The following SHANK2 variants were observed in gnomAD, a reference collection of about 807,000 sequenced individuals.
SHANK2 encodes the protein SH3 and multiple ankyrin repeat domains 2, also known as SH3 and multiple ankyrin repeat domains protein 2.
A neutral mutation model predicts 133.7 loss-of-function variants in SHANK2; 43 were observed. The observed-to-expected ratio is 0.32, with a 90% CI of 0.25 to 0.41. The LOEUF (loss-of-function observed/expected upper bound fraction) is 0.41. Ranked by LOEUF, SHANK2 falls within the 10% of genes least tolerant of loss-of-function variation. SHANK2 has a pLI of 1.00. For missense variants in SHANK2, 1,994 were observed against 2,235.8 expected (o/e 0.89, Z 2.18); for synonymous variants, 1,017 against 952.8 (o/e 1.07, Z -1.24).
chr11:71,127,396 T>C (rs1263018838), intron 3 of SHANK2, among the ~76,000 whole-genome samples: 1 of 152,248 alleles, frequency 6.6e-6, no homozygotes, highest in Non-Finnish European at 1.5e-5. Context: ...TAAGTTTTAC[T>C]GTGGGTAAAA....
intron 8 of SHANK2, among the ~76,000 whole-genome samples, chr11:71,076,878 C>G (rs1280966190): frequency 6.6e-6 from 1 of 152,222 alleles, no homozygotes; most frequent in Non-Finnish European, 1.5e-5. Context: ...ATCACAACTA[C>G]TGGGGAAAAA....
intron 1 of SHANK2, among the ~76,000 whole-genome samples, chr11:71,251,986 G>C (rs1301720413): frequency 6.6e-6 from 1 of 152,100 alleles, no homozygotes; most frequent in Non-Finnish European, 1.5e-5. Context: ...CCGGGTCCTA[G>C]GGCTGGCGGG....
chr11:71,202,480 C>A (rs892252190), intron 2 of SHANK2, among the ~76,000 whole-genome samples: 1 of 152,202 alleles, frequency 6.6e-6, no homozygotes, highest in Non-Finnish European at 1.5e-5. Flanking sequence ...CTCGGCGAGA[C>A]AAGGCAGAGC....
At chr11:71,135,239 T>C (rs1952413698) in intron 3 of SHANK2, among the ~76,000 whole-genome samples, 1 of 152,114 alleles carries the variant, frequency 6.6e-6, no homozygotes, top group Non-Finnish European at 1.5e-5. Flanking sequence ...ACTCACTCCA[T>C]AGCCAGATAC....
chr11:70,534,358 G>C (rs1358580984), intron 17 of SHANK2, among the ~76,000 whole-genome samples: 1 of 152,196 alleles, frequency 6.6e-6, no homozygotes, highest in African/African-American at 2.4e-5. Flanking sequence ...ACAGCATGAA[G>C]GTAACCGCCC....
intron 15 of SHANK2, among the ~76,000 whole-genome samples, chr11:70,679,970 G>C (rs1944991305): frequency 6.6e-6 from 1 of 152,176 alleles, no homozygotes. Flanking sequence ...GAAATGACTT[G>C]GGGTCCCACG....
chr11:71,061,623 G>C (rs1206481287), intron 9 of SHANK2, among the ~76,000 whole-genome samples: 6 of 152,164 alleles, frequency 3.9e-5, no homozygotes, highest in Non-Finnish European at 8.8e-5. Flanking sequence ...CCTTTCCCTG[G>C]AAAGTAACCC....
intron 3 of SHANK2, among the ~76,000 whole-genome samples, chr11:71,128,982 G>A (rs1358778355): frequency 1.3e-5 from 2 of 152,110 alleles, no homozygotes; most frequent in African/African-American, 2.4e-5. Flanking sequence ...ACAGGGTTTC[G>A]CCATGTTGAC....
At chr11:70,724,800 G>C (rs1946147123) in intron 14 of SHANK2, among the ~76,000 whole-genome samples, 1 of 152,222 alleles carries the variant, frequency 6.6e-6, no homozygotes, top group African/African-American at 2.4e-5. Context: ...AATGTCACCT[G>C]CTCAGTGTTT....
chr11:70,744,805 C>T (rs1239325620), intron 14 of SHANK2, among the ~76,000 whole-genome samples: 1 of 152,210 alleles, frequency 6.6e-6, no homozygotes, highest in Non-Finnish European at 1.5e-5. Context: ...TCTGAGGGGC[C>T]CCTTGGCTGC....
intron 9 of SHANK2, among the ~76,000 whole-genome samples, chr11:71,068,932 CATCACCATGGCCACCATCACT>C (rs1951104839): frequency 6.6e-6 from 1 of 151,444 alleles, no homozygotes; most frequent in Non-Finnish European, 1.5e-5. Context: ...CCATCATCAC[CATCACCATGGCCACCATCACT>C]ATCACCATGA....
At chr11:71,095,486 C>T (rs782283309) in intron 6 of SHANK2, among the ~76,000 whole-genome samples, 5 of 152,222 alleles carry the variant, frequency 3.3e-5, no homozygotes, top group African/African-American at 4.8e-5. Context: ...AGGCTCTTAA[C>T]GTTCCAGAAA....
intron 10 of SHANK2, among the ~76,000 whole-genome samples, chr11:70,912,683 G>T (rs1223927347): frequency 6.6e-6 from 1 of 152,140 alleles, no homozygotes; most frequent in Non-Finnish European, 1.5e-5. Flanking sequence ...GAAATGAAGG[G>T]GGCGCTCCTG....
intron 1 of SHANK2, among the ~76,000 whole-genome samples, chr11:71,247,870 G>A (rs1318761917): frequency 2.0e-5 from 3 of 152,222 alleles, no homozygotes; most frequent in Admixed American, 2.0e-4. Flanking sequence ...ACTGTCCCCA[G>A]TCGTGCTCTG....
chr11:70,533,206 G>A (rs1554973554), intron 17 of SHANK2, among the ~76,000 whole-genome samples: 1 of 152,142 alleles, frequency 6.6e-6, no homozygotes, highest in Non-Finnish European at 1.5e-5. Context: ...GAATATCACT[G>A]TACACTTTTG....
At chr11:70,612,332 G>T (rs575525454) in intron 17 of SHANK2, among the ~76,000 whole-genome samples, 2 of 152,274 alleles carry the variant, frequency 1.3e-5, no homozygotes, top group African/African-American at 4.8e-5. Context: ...TCTGACAGAG[G>T]CAAGATGAAC....
rs907618429 is a variant in SHANK2 at position 70,804,198 on chromosome 11, C to G, written c.1663+2804G>C. 3.3e-5 allele frequency among the ~76,000 whole-genome samples: 5 copies of G among 152,176 alleles called. No individual in the cohort carries two copies. Among genetic ancestry groups the G allele is most frequent in the Non-Finnish European group, 1.5e-5 (1 of 68,014 alleles). Reference sequence around the variant, plus strand: ...CCCACAATGATTGTTCCCTTGATATCAAGGGGACAGAATTCCTCCAAACGG... The same window carrying G: ...CCCACAATGATTGTTCCCTTGATATGAAGGGGACAGAATTCCTCCAAACGG... On this transcript the variant is annotated intron_variant, in intron 13 of 25. Transcript: ENST00000601538. The surrounding 1 kb of genome is among the most constrained non-coding windows in gnomAD (Gnocchi z 4.1).
At chr11:70,703,769 C>T (rs1296146823) in intron 14 of SHANK2, among the ~76,000 whole-genome samples, 3 of 152,238 alleles carry the variant, frequency 2.0e-5, no homozygotes, top group Non-Finnish European at 2.9e-5. Context: ...GAGGTCAATT[C>T]TGCCTCAGAG....
chr11:70,850,611 A>G (rs532235693), intron 11 of SHANK2, among the ~76,000 whole-genome samples: 20 of 152,246 alleles, frequency 1.3e-4, no homozygotes, highest in South Asian at 6.2e-4. Flanking sequence ...CTCTCTCCCA[A>G]ATTCCAAGAT....
Sources: allele counts gnomAD v4.1 joint callset (sites outside exome capture counted in the v4.1 genomes callset), GRCh38; gene constraint gnomAD v4.1.1; non-coding constraint Gnocchi (gnomAD v3.1); transcripts MANE v1.5; gene names NCBI Gene and HGNC (gene_info 2026-07-23, HGNC 2026-07-21).